The following ASRGL1 variants were observed in gnomAD, a reference collection of about 807,000 sequenced individuals.
ASRGL1 encodes isoaspartyl peptidase/L-asparaginase.
In ASRGL1, 16 loss-of-function variants were observed where a neutral mutation model predicts 22.4. That is an observed-to-expected ratio of 0.71 (90% CI 0.48 to 1.08). ASRGL1 has a LOEUF of 1.08. Among genes scored for constraint, ASRGL1 ranks in the 50% least tolerant of loss-of-function variants. The probability of loss-of-function intolerance (pLI) is 0.00; values close to 1 mark genes in which losing one functional copy is unlikely to be tolerated. For missense variants in ASRGL1, 412 were observed against 410.1 expected (o/e 1.00, Z -0.04); for synonymous variants, 165 against 159.3 (o/e 1.04, Z -0.27).
intron 2 of ASRGL1, among the ~76,000 whole-genome samples, chr11:62,350,973 C>A (rs1946154938): frequency 6.6e-6 from 1 of 151,994 alleles, no homozygotes; most frequent in African/African-American, 2.4e-5. Flanking sequence ...GTTGTTTGAG[C>A]ATTTTTTAGA....
rs1029019763 is a variant in ASRGL1 at position 62,337,977 on chromosome 11, C to T, written c.-1C>T. 8.2e-6 allele frequency: 13 copies of T among 1,594,580 alleles called. No individual in the cohort carries two copies. The Admixed American group carries it at 1.2e-4, about 15-fold the overall frequency. ...CTTCCTGCTGCCTAGGATCCGCCGA[C>T]ATGAATCCCATCGTAGTGGTCCACG... On this transcript the variant is annotated 5_prime_UTR_variant, in exon 2 of 7. Coordinates refer to ENST00000415229, the MANE Select transcript of ASRGL1 (RefSeq NM_001083926.2).
chr11:62,356,649 G>C (rs1195580221), intron 3 of ASRGL1, among the ~76,000 whole-genome samples, 182 bp downstream of exon 3: 1 of 152,178 alleles, frequency 6.6e-6, no homozygotes, highest in African/African-American at 2.4e-5. Flanking sequence ...CACTTGACCA[G>C]TGAATGATTA....
chr11:62,363,073 AC>A (rs1423736510), intron 4 of ASRGL1, among the ~76,000 whole-genome samples: 1 of 150,242 alleles, frequency 6.7e-6, no homozygotes, highest in Non-Finnish European at 1.5e-5. Flanking sequence ...AGCTGGGACT[AC>A]AGGCGCCCGC....
chr11:62,352,827 G>T (rs1355522711), intron 2 of ASRGL1, among the ~76,000 whole-genome samples: 1 of 152,134 alleles, frequency 6.6e-6, no homozygotes, highest in African/African-American at 2.4e-5. Flanking sequence ...TAGGTAAGGT[G>T]TCATTTCTCT....
At chr11:62,342,330 G>T (rs1034633834) in intron 2 of ASRGL1, among the ~76,000 whole-genome samples, 7 of 152,210 alleles carry the variant, frequency 4.6e-5, no homozygotes, top group Non-Finnish European at 1.0e-4. Flanking sequence ...AGGCTAAATT[G>T]TGGGAGCTAA....
intron 2 of ASRGL1, among the ~76,000 whole-genome samples, chr11:62,349,595 T>C (rs571484077): frequency 2.0e-5 from 3 of 152,186 alleles, no homozygotes; most frequent in Non-Finnish European, 4.4e-5. Flanking sequence ...ACTATCTCTT[T>C]CTTATTACTA....
At chr11:62,373,327 T>G (rs1946825120) in intron 4 of ASRGL1, among the ~76,000 whole-genome samples, 1 of 152,178 alleles carries the variant, frequency 6.6e-6, no homozygotes, top group African/African-American at 2.4e-5. Flanking sequence ...GTTTTACAAG[T>G]GATCCAACGT....
chr11:62,347,416 A>G (rs1311866270), intron 2 of ASRGL1, among the ~76,000 whole-genome samples: 1 of 152,140 alleles, frequency 6.6e-6, no homozygotes, highest in African/African-American at 2.4e-5. Flanking sequence ...CCCTCTGATT[A>G]CACGATTGGT....
At position 62,392,533 on chromosome 11, in the gene ASRGL1, C is replaced by T. The variant is rs1022837995; in HGVS notation, c.*249C>T. Reference sequence around the variant, plus strand: ...GAGGTGAGCCATGATTACTCCACTGCACTCCAGCCTGGGCAACAGAGCCAG... The same window carrying T: ...GAGGTGAGCCATGATTACTCCACTGTACTCCAGCCTGGGCAACAGAGCCAG... On this transcript the variant is annotated 3_prime_UTR_variant, in exon 7 of 7. Transcript: ENST00000415229. 7.6e-6 allele frequency: 4 copies of T among 528,432 alleles called. No individual in the cohort carries two copies. The highest frequency in any genetic ancestry group is 2.2e-5 in the South Asian group (1 of 45,240). The allele number at this position is 528,432 out of a possible 1,614,324, so 32.7% of individuals were successfully genotyped here. A position where few individuals can be genotyped will look rare whatever the true frequency, so the allele number is the denominator to read the frequency against.
chr11:62,371,091 C>CT (rs1402796181), intron 4 of ASRGL1: 2 of 662,036 alleles, frequency 3.0e-6, no homozygotes, highest in East Asian at 3.5e-5. Context: ...GCTTCTCTTC[C>CT]TTTTTTCTCT....
chr11:62,358,569 C>T (rs939431862), intron 4 of ASRGL1, among the ~76,000 whole-genome samples: 1 of 152,166 alleles, frequency 6.6e-6, no homozygotes, highest in Admixed American at 6.5e-5. Context: ...CTGCTTTACA[C>T]GTAAGCAAGA....
chr11:62,354,459 C>A (rs1166784677), intron 2 of ASRGL1, among the ~76,000 whole-genome samples: 1 of 151,934 alleles, frequency 6.6e-6, no homozygotes, highest in African/African-American at 2.4e-5. Context: ...AAATTAATAA[C>A]AATAACTGAT....
chr11:62,377,065 G>A (rs1946950176), intron 4 of ASRGL1, among the ~76,000 whole-genome samples: 3 of 152,152 alleles, frequency 2.0e-5, no homozygotes, highest in Non-Finnish European at 4.4e-5. Context: ...TTGACACTGG[G>A]TGCAATGTTG....
chr11:62,363,959 C>T (rs570743755), intron 4 of ASRGL1, among the ~76,000 whole-genome samples: 21 of 152,066 alleles, frequency 1.4e-4, no homozygotes, highest in Middle Eastern at 6.8e-3. Flanking sequence ...GAGTTCACAA[C>T]CAGCCTGGGC....
intron 2 of ASRGL1, among the ~76,000 whole-genome samples, chr11:62,353,064 G>A (rs1170415469): frequency 6.6e-6 from 1 of 152,042 alleles, no homozygotes. Context: ...TGACTTGAAT[G>A]TTAGCTCTTT....
intron 2 of ASRGL1, among the ~76,000 whole-genome samples, chr11:62,344,090 G>A (rs1035572352): frequency 8.6e-5 from 13 of 151,762 alleles, no homozygotes; most frequent in African/African-American, 3.1e-4. Context: ...TAGACATGGG[G>A]TTTCATCATG....
chr11:62,343,241 A>G (rs1489796666), intron 2 of ASRGL1, among the ~76,000 whole-genome samples: 1 of 151,364 alleles, frequency 6.6e-6, no homozygotes, highest in Admixed American at 6.6e-5. Flanking sequence ...AGCCAAGTGC[A>G]GTGGTGGGCA....
intron 2 of ASRGL1, among the ~76,000 whole-genome samples, chr11:62,344,225 A>G (rs1351093451): frequency 6.6e-6 from 1 of 152,136 alleles, no homozygotes; most frequent in Non-Finnish European, 1.5e-5. Flanking sequence ...GTGAAGTATC[A>G]AAGTCTTGCT....
intron 4 of ASRGL1, among the ~76,000 whole-genome samples, chr11:62,387,194 C>T (rs1271792658): frequency 2.0e-5 from 3 of 151,958 alleles, no homozygotes; most frequent in African/African-American, 4.8e-5. Context: ...TGAGCCACAG[C>T]GCCTGGCCAA....
Sources: allele counts gnomAD v4.1 joint callset (sites outside exome capture counted in the v4.1 genomes callset), GRCh38; gene constraint gnomAD v4.1.1; transcripts MANE v1.5; gene names NCBI Gene and HGNC (gene_info 2026-07-23, HGNC 2026-07-21).